TMTC2: variants seen among roughly 807,000 people sequenced by gnomAD.
TMTC2 encodes transmembrane O-mannosyltransferase targeting cadherins 2.
In TMTC2, 43 loss-of-function variants were observed where a neutral mutation model predicts 82.4. The ratio of observed to expected loss-of-function variants is 0.52; its 90% confidence interval spans 0.41 to 0.67. The LOEUF (loss-of-function observed/expected upper bound fraction) is 0.67. TMTC2 is among the 30% of genes least tolerant of loss of function. TMTC2 has a pLI of 0.00. For synonymous variants in TMTC2, 408 were observed against 381.9 expected, an observed-to-expected ratio of 1.07 and a Z score of -0.80; for missense variants, 919 against 1,012.4, an observed-to-expected ratio of 0.91 and a Z score of 1.25.
At chr12:82,871,347 T>C (rs1592590402) in intron 2 of TMTC2, among the ~76,000 whole-genome samples, 1 of 149,356 alleles carries the variant, frequency 6.7e-6, no homozygotes, top group East Asian at 1.9e-4. Context: ...CCAAGTAGTA[T>C]TACAAAAGAA....
intron 4 of TMTC2, 50 bp from the exon 5 acceptor site, chr12:82,964,974 T>G: frequency 7.4e-7 from 1 of 1,358,954 alleles, no homozygotes; most frequent in Non-Finnish European, 1.0e-6. Context: ...TTTGTGGTTT[T>G]ATATATAATA....
chr12:83,081,135 T>A (rs1883451878), intron 11 of TMTC2, among the ~76,000 whole-genome samples: 1 of 152,214 alleles, frequency 6.6e-6, no homozygotes, highest in African/African-American at 2.4e-5. Context: ...AAAGTTTGCA[T>A]CTTCAACAGC....
chr12:82,788,762 G>A (rs891943065), intron 1 of TMTC2, among the ~76,000 whole-genome samples: 4 of 152,058 alleles, frequency 2.6e-5, no homozygotes, highest in South Asian at 2.1e-4. Flanking sequence ...CTGCTCTTAG[G>A]TTCTTGGCCT....
At chr12:82,733,120 C>T (rs1049158625) in intron 1 of TMTC2, among the ~76,000 whole-genome samples, 6 of 151,700 alleles carry the variant, frequency 4.0e-5, no homozygotes, top group African/African-American at 1.5e-4. Context: ...ATTATGCATA[C>T]GTAAATACTG....
chr12:83,113,864 T>G (rs1245169666), intron 11 of TMTC2, among the ~76,000 whole-genome samples: 3 of 152,252 alleles, frequency 2.0e-5, no homozygotes, highest in Non-Finnish European at 4.4e-5. Context: ...ATGTTTGACC[T>G]GGTCATCCTA....
intron 2 of TMTC2, among the ~76,000 whole-genome samples, chr12:82,866,254 A>AAC (rs1555192479): frequency 1.8e-4 from 25 of 142,726 alleles, no homozygotes; most frequent in African/African-American, 7.0e-4. Context: ...CAAAAAAAAA[A>AAC]AAAAAAAAAC....
At chr12:83,030,511 G>C (rs1282736884) in intron 8 of TMTC2, among the ~76,000 whole-genome samples, 1 of 152,064 alleles carries the variant, frequency 6.6e-6, no homozygotes, top group Non-Finnish European at 1.5e-5. Flanking sequence ...GTTTCTGTGA[G>C]ACCTTTTTTG....
chr12:83,125,446 G>T (rs993922303), intron 11 of TMTC2, among the ~76,000 whole-genome samples: 5 of 152,122 alleles, frequency 3.3e-5, no homozygotes, highest in African/African-American at 1.2e-4. Context: ...TTAAGAACAG[G>T]TGGGTCACCA....
rs1034578371 is a variant in TMTC2 at position 82,779,756 on chromosome 12, C to T, written c.84-77254C>T. On this transcript the variant is annotated intron_variant, in intron 1 of 11. Transcript: ENST00000321196. ...TCTACTAAAAACTACAAAAATTAGC[C>T]GGGTGTGGTGGCATGCTCCTGTAGT... Among the ~76,000 whole-genome samples the T allele has an allele frequency of 5.3e-5, 8 of 151,972 alleles. No individual in the cohort carries two copies. The East Asian group carries it at 7.7e-4, about 15-fold the overall frequency.
intron 10 of TMTC2, among the ~76,000 whole-genome samples, chr12:83,053,511 G>T (rs1882428151): frequency 6.6e-6 from 1 of 151,962 alleles, no homozygotes; most frequent in Non-Finnish European, 1.5e-5. Context: ...ATGGGGGGAG[G>T]GGGAGCGGGA....
intron 8 of TMTC2, among the ~76,000 whole-genome samples, chr12:83,006,960 G>T (rs1880233204): frequency 6.6e-6 from 1 of 152,044 alleles, no homozygotes; most frequent in African/African-American, 2.4e-5. Flanking sequence ...CTGGGGGAGG[G>T]ATAGCATTAA....
At chr12:83,095,898 A>G (rs1018216196) in intron 11 of TMTC2, among the ~76,000 whole-genome samples, 2 of 152,228 alleles carry the variant, frequency 1.3e-5, no homozygotes, top group African/African-American at 4.8e-5. Context: ...TGGAAGTTTA[A>G]GCTCAGATGA....
intron 11 of TMTC2, among the ~76,000 whole-genome samples, chr12:83,071,869 T>G (rs895091908): frequency 6.6e-6 from 1 of 152,220 alleles, no homozygotes; most frequent in Non-Finnish European, 1.5e-5. Flanking sequence ...TTTCGTTTTC[T>G]TAGTGAGGTT....
chr12:82,958,509 A>T (rs1004271971), intron 4 of TMTC2, among the ~76,000 whole-genome samples: 2 of 152,094 alleles, frequency 1.3e-5, no homozygotes, highest in African/African-American at 4.8e-5. Flanking sequence ...CATTCCTGGG[A>T]TGCAAGGTTG....
At chr12:83,022,558 C>T (rs1038841861) in intron 8 of TMTC2, among the ~76,000 whole-genome samples, 3 of 152,088 alleles carry the variant, frequency 2.0e-5, no homozygotes, top group Non-Finnish European at 2.9e-5. Flanking sequence ...GGAACTTAAT[C>T]CATTTTTATA....
At chr12:82,742,645 T>C (rs559271695) in intron 1 of TMTC2, among the ~76,000 whole-genome samples, 1 of 151,980 alleles carries the variant, frequency 6.6e-6, no homozygotes, top group East Asian at 1.9e-4. Context: ...TCAGCCTCCC[T>C]AGTAGCTGGG....
At chr12:83,054,156 T>G (rs972229657) in intron 10 of TMTC2, among the ~76,000 whole-genome samples, 3 of 152,086 alleles carry the variant, frequency 2.0e-5, no homozygotes, top group African/African-American at 4.8e-5. Context: ...ACCTCCCTCC[T>G]CACCTGCGCT....
chr12:83,081,655 A>G (rs1252050798), intron 11 of TMTC2, among the ~76,000 whole-genome samples: 2 of 152,188 alleles, frequency 1.3e-5, no homozygotes, highest in Non-Finnish European at 2.9e-5. Flanking sequence ...AATACACAGG[A>G]ATCTAAAATT....
chr12:82,793,000 G>A (rs566402446), intron 1 of TMTC2, among the ~76,000 whole-genome samples: 3 of 152,110 alleles, frequency 2.0e-5, no homozygotes, highest in Non-Finnish European at 4.4e-5. Context: ...GTTCCTCTGA[G>A]ATTTCTTAAA....
Sources: allele counts gnomAD v4.1 joint callset (sites outside exome capture counted in the v4.1 genomes callset), GRCh38; gene constraint gnomAD v4.1.1; transcripts MANE v1.5; gene names NCBI Gene and HGNC (gene_info 2026-07-23, HGNC 2026-07-21).